Variants in DHDDS observed in about 807,000 individuals in gnomAD.
DHDDS encodes the protein dehydrodolichyl diphosphate synthase complex subunit DHDDS.
A neutral mutation model predicts 46.2 loss-of-function variants in DHDDS; 16 were observed. The ratio of observed to expected loss-of-function variants is 0.35; its 90% CI spans 0.23 to 0.53. DHDDS has a LOEUF of 0.53. Among genes scored for constraint, DHDDS ranks in the 20% least tolerant of loss-of-function variants. The pLI is 0.94. For missense variants in DHDDS, 340 were observed against 423.7 expected (o/e 0.80, Z 1.73); for synonymous variants, 151 against 163.1 (o/e 0.93, Z 0.56).
intron 6 of DHDDS, among the ~76,000 whole-genome samples, chr1:26,453,366 A>C (rs1194624481): frequency 2.0e-5 from 3 of 152,148 alleles, no homozygotes; most frequent in African/African-American, 7.2e-5. Flanking sequence ...GCCACAATTA[A>C]ATCTTTGACT....
At chr1:26,468,807 C>CCCT in intron 8 of DHDDS, 88 bp from the exon 9 acceptor site, 2 of 1,186,216 alleles carry the variant, frequency 1.7e-6, no homozygotes, top group South Asian at 1.4e-5. Flanking sequence ...TTGGCCCACC[C>CCCT]TGTGCCCCAC....
In DHDDS at chr1:26,469,287, T is replaced by G; in HGVS notation, c.*156T>G. The G allele has an allele frequency of 1.4e-6, 2 of 1,400,222 alleles. No individual in the cohort carries two copies. The highest frequency in any genetic ancestry group is 2.4e-5 in the East Asian group (1 of 40,964). 86.7% of individuals were successfully genotyped at this position (1,400,222 alleles called of 1,614,324 possible). The stretch of plus-strand genomic sequence containing the variant: ...CCAGGCCAGGTTTGCTGGCCATAGA[T>G]ACCTTTGGGCTGCCTGGGACAGGCT... On this transcript the variant is annotated 3_prime_UTR_variant, in exon 9 of 9. Coordinates refer to ENST00000236342, the MANE Select transcript of DHDDS (RefSeq NM_205861.3).
chr1:26,467,265 A>G (rs759670201), intron 8 of DHDDS: 8 of 466,008 alleles, frequency 1.7e-5, no homozygotes, highest in Middle Eastern at 6.6e-4. Flanking sequence ...GCGCATCTCC[A>G]TATCCTCAAA....
Position 26,470,834 on chromosome 1 carries a change from G to A in DHDDS, c.*1703G>A, listed in dbSNP as rs1411164206. On this transcript the variant is annotated 3_prime_UTR_variant, in exon 9 of 9. Transcript: ENST00000236342. ...GCATGAATTATGCGGCTATAATGCA[G>A]AGCCCTACAATTAAGGCGGGAATGA... is the stretch of plus-strand genomic sequence containing the variant. 1 of 152,730 alleles carries A rather than the reference G, an allele frequency of 6.5e-6. No individual in the cohort carries two copies. Among genetic ancestry groups the A allele is most frequent in the Non-Finnish European group, 1.5e-5 (1 of 68,104 alleles). 9.5% of individuals were successfully genotyped at this position (152,730 alleles called of 1,614,324 possible).
intron 8 of DHDDS, among the ~76,000 whole-genome samples, chr1:26,463,207 C>T (rs1466056165): frequency 1.3e-5 from 2 of 152,138 alleles, no homozygotes; most frequent in African/African-American, 4.8e-5. Context: ...AGACAGAACT[C>T]CTGCAGTAGT....
intron 3 of DHDDS, among the ~76,000 whole-genome samples, chr1:26,440,588 A>C (rs2075208538): frequency 6.6e-6 from 1 of 152,370 alleles, no homozygotes; most frequent in South Asian, 2.1e-4. Flanking sequence ...GAAACTTGTT[A>C]TTAGCAACTG....
chr1:26,452,479 C>A (rs543209912), intron 6 of DHDDS, among the ~76,000 whole-genome samples: 133 of 152,346 alleles, frequency 8.7e-4, no homozygotes, highest in African/African-American at 3.2e-3. Context: ...GAACGGGCTA[C>A]TTGATTCCCT....
At chr1:26,468,860 A>G (rs2124551767) in intron 8 of DHDDS, 35 bp from the exon 9 acceptor site, 1 of 1,471,160 alleles carries the variant, frequency 6.8e-7, no homozygotes, top group East Asian at 3.1e-5. Context: ...CCTAAAAATG[A>G]TCTCCCCACC....
chr1:26,442,234 C>T (rs1482710893), intron 3 of DHDDS, among the ~76,000 whole-genome samples: 1 of 152,158 alleles, frequency 6.6e-6, no homozygotes, highest in East Asian at 1.9e-4. Flanking sequence ...CACAGCTGTC[C>T]AGTTGTTGCT....
intron 6 of DHDDS, among the ~76,000 whole-genome samples, chr1:26,453,093 A>AAC (rs57753843): frequency 0.083 from 12,132 of 146,404 alleles, 535 homozygotes; most frequent in African/African-American, 0.12. Context: ...CCCTGTCTGA[A>AAC]ACACACACAC....
chr1:26,445,083 C>CCATT (rs10671692), intron 4 of DHDDS, among the ~76,000 whole-genome samples: 119,626 of 151,642 alleles, frequency 0.79, 47,447 homozygotes, highest in East Asian at 0.88. Flanking sequence ...TCCTGGTTCT[C>CCATT]CATCAGCTGT....
intron 5 of DHDDS, among the ~76,000 whole-genome samples, 188 bp from the exon 6 acceptor site, chr1:26,447,369 CAT>C (rs2075279477): frequency 6.6e-6 from 1 of 152,014 alleles, no homozygotes; most frequent in Admixed American, 6.6e-5. Context: ...AAACTAGTTA[CAT>C]GTTTATTCCA....
chr1:26,444,857 CAGG>C (rs1368284631), intron 4 of DHDDS, among the ~76,000 whole-genome samples: 1 of 152,232 alleles, frequency 6.6e-6, no homozygotes, highest in Non-Finnish European at 1.5e-5. Context: ...CACAAGCTAG[CAGG>C]AGGAGCTGAA....
intron 2 of DHDDS, among the ~76,000 whole-genome samples, chr1:26,435,152 G>A (rs963437926): frequency 6.6e-5 from 10 of 151,396 alleles, no homozygotes; most frequent in African/African-American, 2.4e-4. Flanking sequence ...TGGGATTACA[G>A]GCGCTCGCCA....
At position 26,451,404 on chromosome 1, in the gene DHDDS, ATGTGTGTGTGTGTGTGTG is replaced by A. The variant is rs35376620; in HGVS notation, c.542+3774_542+3791del. Among the ~76,000 whole-genome samples the A allele has an allele frequency of 2.8e-3, 375 of 136,034 alleles. 1 individual carries two copies. Among genetic ancestry groups the A allele is most frequent in the East Asian group, 8.2e-3 (38 of 4,652 alleles). The allele number at this position is 136,034 out of a possible 152,430, so 89.2% of individuals were successfully genotyped here. A position where few individuals can be genotyped will look rare whatever the true frequency, so the allele number is the denominator to read the frequency against. ...TCTTTCTTCCAGGGTATGTATGTAG[ATGTGTGTGTGTGTGTGTG>A]TGTGTGTGTGTGTGTGTGTGTGTGT... On this transcript the variant is annotated intron_variant, in intron 6 of 8. Transcript: ENST00000236342.
chr1:26,457,645 A>T, intron 6 of DHDDS, 146 bp from the exon 7 acceptor site: 6 of 570,036 alleles, frequency 1.1e-5, no homozygotes, highest in East Asian at 3.2e-5. Flanking sequence ...ACATTTTTTG[A>T]GGGCCTTCTG....
chr1:26,457,453 G>A (rs191139846), intron 6 of DHDDS, among the ~76,000 whole-genome samples: 1 of 151,332 alleles, frequency 6.6e-6, no homozygotes, highest in Non-Finnish European at 1.5e-5. Flanking sequence ...CTGGGGAACA[G>A]TGTGAGACTC....
intron 6 of DHDDS, among the ~76,000 whole-genome samples, chr1:26,452,228 AGACAG>A (rs1459121430): frequency 6.6e-6 from 1 of 151,698 alleles, no homozygotes; most frequent in Non-Finnish European, 1.5e-5. Flanking sequence ...GACTTTGTAG[AGACAG>A]GGTCTTGCCA....
intron 8 of DHDDS, chr1:26,467,608 A>C (rs2075505407): frequency 3.3e-6 from 1 of 300,918 alleles, no homozygotes; most frequent in African/African-American, 2.2e-5. Context: ...GAGGCAACAG[A>C]TGAAGTGGTT....
Sources: gnomAD v4.1 joint callset for allele counts (sites outside exome capture counted in the v4.1 genomes callset) on GRCh38, gnomAD v4.1.1 for gene constraint, MANE v1.5 for transcripts, NCBI Gene and HGNC (gene_info 2026-07-23, HGNC 2026-07-21) for gene names.